NRG1: variants seen among roughly 807,000 people sequenced by gnomAD.
The protein encoded by NRG1 is pro-neuregulin-1, membrane-bound isoform.
Under a neutral mutation model 63.8 loss-of-function variants are expected in NRG1, and 18 were observed. The ratio of observed to expected loss-of-function variants is 0.28; its 90% CI spans 0.19 to 0.42. The LOEUF (loss-of-function observed/expected upper bound fraction) is 0.42. NRG1 is among the 10% of genes least tolerant of loss of function. NRG1 has a pLI of 1.00. For synonymous variants in NRG1, 302 were observed against 301.3 expected (o/e 1.00, Z -0.02); for missense variants, 762 against 814.7 (o/e 0.94, Z 0.79).
intron 1 of NRG1, among the ~76,000 whole-genome samples, chr8:32,552,839 T>G (rs62500197): frequency 0.16 from 23,953 of 151,964 alleles, 2,087 homozygotes; most frequent in Middle Eastern, 0.2. Context: ...AAAATATATA[T>G]AGAGAACCAA....
intron 1 of NRG1, among the ~76,000 whole-genome samples, chr8:31,856,296 G>C (rs1351913303): frequency 6.6e-6 from 1 of 152,208 alleles, no homozygotes; most frequent in East Asian, 1.9e-4. Flanking sequence ...ATATTTCTTG[G>C]AGGCTTTGCT....
intron 1 of NRG1, among the ~76,000 whole-genome samples, chr8:32,100,887 G>A (rs182578928): frequency 1.3e-5 from 2 of 152,198 alleles, no homozygotes; most frequent in South Asian, 2.1e-4. Flanking sequence ...ATAATAATGC[G>A]CCATGGTATT....
At chr8:31,917,681 C>T (rs4629823) in intron 1 of NRG1, among the ~76,000 whole-genome samples, 101,439 of 151,918 alleles carry the variant, frequency 0.67, 34,255 homozygotes, top group East Asian at 0.92. Flanking sequence ...ATGGACTTGG[C>T]GATGCAGACT....
intron 1 of NRG1, among the ~76,000 whole-genome samples, chr8:32,015,440 T>G (rs1815366116): frequency 6.6e-6 from 1 of 152,182 alleles, no homozygotes; most frequent in Non-Finnish European, 1.5e-5. Flanking sequence ...AGCATTGTAT[T>G]TCTTTAGGGG....
At chr8:32,727,916 C>A (rs3735776) in intron 5 of NRG1, 33 bp from the exon 6 acceptor site, 268,022 of 1,606,710 alleles carry the variant, frequency 0.17, 25,036 homozygotes, top group East Asian at 0.36. Context: ...AAAAAAAGTC[C>A]ATGTTAACCT....
chr8:32,456,181 T>C (rs574244898), intron 1 of NRG1, among the ~76,000 whole-genome samples: 3 of 152,226 alleles, frequency 2.0e-5, no homozygotes, highest in Admixed American at 6.5e-5. Context: ...TTCCCATGTA[T>C]GCACAACCGA....
At chr8:32,699,789 A>C (rs2128956965) in intron 5 of NRG1, among the ~76,000 whole-genome samples, 1 of 152,320 alleles carries the variant, frequency 6.6e-6, no homozygotes, top group African/African-American at 2.4e-5. Context: ...TCAATGTGTA[A>C]ATCCATATTG....
intron 1 of NRG1, among the ~76,000 whole-genome samples, chr8:32,377,409 A>G (rs1809764770): frequency 6.6e-6 from 1 of 152,212 alleles, no homozygotes; most frequent in Non-Finnish European, 1.5e-5. Context: ...TGCTACTTGT[A>G]TCTAAATATA....
At chr8:32,244,162 C>A (rs1848395932) in intron 1 of NRG1, among the ~76,000 whole-genome samples, 1 of 152,028 alleles carries the variant, frequency 6.6e-6, no homozygotes, top group African/African-American at 2.4e-5. Flanking sequence ...TCATGTATTG[C>A]CAACTCTTTT....
At chr8:32,090,212 A>T (rs1828901081) in intron 1 of NRG1, among the ~76,000 whole-genome samples, 1 of 152,222 alleles carries the variant, frequency 6.6e-6, no homozygotes. Flanking sequence ...TAAATAAAAT[A>T]GTCGTAAGTT....
At chr8:31,755,382 G>A (rs561915277) in intron 1 of NRG1, among the ~76,000 whole-genome samples, 2 of 151,654 alleles carry the variant, frequency 1.3e-5, no homozygotes, top group East Asian at 2.0e-4. Flanking sequence ...AGGCTTACTT[G>A]CCCAAGGTGC....
At chr8:31,816,780 T>C (rs1027270741) in intron 1 of NRG1, among the ~76,000 whole-genome samples, 2 of 152,192 alleles carry the variant, frequency 1.3e-5, no homozygotes, top group Non-Finnish European at 2.9e-5. Flanking sequence ...TTAGAAGAAA[T>C]GCCAAATGAA....
chr8:32,059,339 C>G (rs1823481864), intron 1 of NRG1, among the ~76,000 whole-genome samples: 3 of 152,036 alleles, frequency 2.0e-5, no homozygotes, highest in African/African-American at 7.2e-5. Flanking sequence ...ACTGGACTTA[C>G]AACTCCTAGA....
chr8:32,513,719 G>A (rs140901078), intron 1 of NRG1, among the ~76,000 whole-genome samples: 2 of 152,176 alleles, frequency 1.3e-5, no homozygotes, highest in African/African-American at 4.8e-5. Flanking sequence ...ATATATATCA[G>A]TGAAGATCTG....
chr8:31,684,875 A>G (rs1404927633), intron 1 of NRG1, among the ~76,000 whole-genome samples: 1 of 152,172 alleles, frequency 6.6e-6, no homozygotes, highest in Non-Finnish European at 1.5e-5. Flanking sequence ...AAAGAAAACA[A>G]AAAGAGAATC....
At chr8:31,674,618 C>G (rs1379125333) in intron 1 of NRG1, among the ~76,000 whole-genome samples, 1 of 151,638 alleles carries the variant, frequency 6.6e-6, no homozygotes, top group Non-Finnish European at 1.5e-5. Flanking sequence ...GAGGCTTACT[C>G]AAGATCTTGT....
At chr8:31,970,099 G>C (rs1015930498) in intron 1 of NRG1, among the ~76,000 whole-genome samples, 2 of 152,064 alleles carry the variant, frequency 1.3e-5, no homozygotes, top group Non-Finnish European at 1.5e-5. Context: ...TATACGGTGG[G>C]TGGCTTTCAA....
chr8:32,722,156 TGTAA>T (rs1368010000), intron 5 of NRG1: 11 of 858,820 alleles, frequency 1.3e-5, no homozygotes, highest in Non-Finnish European at 1.6e-5. Context: ...TTTAATTTTC[TGTAA>T]GTAACTCGTA....
intron 1 of NRG1, among the ~76,000 whole-genome samples, chr8:32,346,809 G>A (rs975717517): frequency 1.3e-5 from 2 of 151,892 alleles, no homozygotes; most frequent in African/African-American, 4.8e-5. Context: ...ACTGGGATAT[G>A]CATCACCTCA....
Sources: gnomAD v4.1 joint callset for allele counts (sites outside exome capture counted in the v4.1 genomes callset) on GRCh38, gnomAD v4.1.1 for gene constraint, MANE v1.5 for transcripts, NCBI Gene and HGNC (gene_info 2026-07-23, HGNC 2026-07-21) for gene names.